PPARG: variants seen among roughly 807,000 people sequenced by gnomAD.
PPARG encodes the protein peroxisome proliferator activated receptor gamma.
PPARG carries 17 observed loss-of-function variants against 39.2 expected under a neutral mutation model. The observed-to-expected ratio is 0.43, with a 90% CI of 0.30 to 0.65. PPARG has a LOEUF of 0.65. PPARG is among the 30% of genes least tolerant of loss of function. The pLI is 0.13. For missense variants in PPARG, 406 were observed against 585.9 expected (o/e 0.69, Z 3.17); for synonymous variants, 223 against 215.7 (o/e 1.03, Z -0.30).
At chr3:12,399,341 C>T (rs2050382283) in intron 5 of PPARG, 2 of 456,274 alleles carry the variant, frequency 4.4e-6, no homozygotes, top group African/African-American at 4.0e-5. Context: ...TCCTTGTTTT[C>T]CTTTAGAGGA....
intron 4 of PPARG, among the ~76,000 whole-genome samples, chr3:12,383,931 A>T (rs2049776672): frequency 6.6e-6 from 1 of 152,108 alleles, no homozygotes; most frequent in African/African-American, 2.4e-5. Flanking sequence ...AAAAATACTT[A>T]ATAAAACCTG....
chr3:12,419,173 G>A (rs1030287057), intron 7 of PPARG, among the ~76,000 whole-genome samples: 2 of 152,104 alleles, frequency 1.3e-5, no homozygotes, highest in African/African-American at 4.8e-5. Context: ...TCGAACTCCT[G>A]ACCTCAGGTG....
At chr3:12,316,299 T>C (rs1056744106) in intron 2 of PPARG, among the ~76,000 whole-genome samples, 17 of 152,180 alleles carry the variant, frequency 1.1e-4, no homozygotes, top group Non-Finnish European at 2.1e-4. Context: ...CCGGTAACTC[T>C]TGTGTATGTT....
At chr3:12,304,570 G>A (rs2047011374) in intron 1 of PPARG, among the ~76,000 whole-genome samples, 1 of 152,186 alleles carries the variant, frequency 6.6e-6, no homozygotes, top group South Asian at 2.1e-4. Flanking sequence ...TTCACTTCAA[G>A]TCTAGTAGAA....
At chr3:12,423,331 C>A (rs1026493970) in intron 7 of PPARG, among the ~76,000 whole-genome samples, 1 of 152,188 alleles carries the variant, frequency 6.6e-6, no homozygotes, top group African/African-American at 2.4e-5. Context: ...GCAGCTGTCA[C>A]GGCAGAACAC....
At chr3:12,378,397 AAC>A in intron 2 of PPARG, among the ~76,000 whole-genome samples, 1 of 152,302 alleles carries the variant, frequency 6.6e-6, no homozygotes, top group Middle Eastern at 3.4e-3. Context: ...GATTTTTGAA[AAC>A]ACAGTATATA....
At chr3:12,289,603 T>C (rs1392283406) in intron 1 of PPARG, among the ~76,000 whole-genome samples, 1 of 152,220 alleles carries the variant, frequency 6.6e-6, no homozygotes, top group Non-Finnish European at 1.5e-5. Flanking sequence ...GGGCAAATCT[T>C]CGACAGGTTT....
At chr3:12,427,819 C>T (rs568442634) in intron 7 of PPARG, among the ~76,000 whole-genome samples, 6 of 152,330 alleles carry the variant, frequency 3.9e-5, no homozygotes, top group African/African-American at 1.2e-4. Context: ...GTAGCCCTGC[C>T]TCCCCTCCAG....
intron 4 of PPARG, among the ~76,000 whole-genome samples, chr3:12,389,495 G>T (rs952745881): frequency 6.6e-6 from 1 of 152,204 alleles, no homozygotes; most frequent in African/African-American, 2.4e-5. Context: ...GATCACCTTA[G>T]AAGTAAATTG....
chr3:12,357,143 C>T (rs962644102), intron 2 of PPARG, among the ~76,000 whole-genome samples: 1 of 152,230 alleles, frequency 6.6e-6, no homozygotes, highest in East Asian at 1.9e-4. Flanking sequence ...CAACCGGTCA[C>T]CCACAGAGAT....
intron 7 of PPARG, among the ~76,000 whole-genome samples, chr3:12,425,594 C>T (rs2051413194): frequency 6.6e-6 from 1 of 152,056 alleles, no homozygotes; most frequent in Non-Finnish European, 1.5e-5. Context: ...TGGAAGGGAT[C>T]GTTCTTCCTA....
At chr3:12,388,381 G>A (rs1488813986) in intron 4 of PPARG, among the ~76,000 whole-genome samples, 1 of 152,154 alleles carries the variant, frequency 6.6e-6, no homozygotes. Flanking sequence ...GCAGGTCAGG[G>A]TTTTCCCCAT....
intron 2 of PPARG, among the ~76,000 whole-genome samples, chr3:12,378,893 T>C (rs2049517119): frequency 6.6e-6 from 1 of 152,240 alleles, no homozygotes; most frequent in South Asian, 2.1e-4. Flanking sequence ...ATGAATATGT[T>C]CATTACCTTG....
intron 1 of PPARG, among the ~76,000 whole-genome samples, chr3:12,300,879 G>C (rs1377163286): frequency 6.6e-6 from 1 of 152,214 alleles, no homozygotes; most frequent in African/African-American, 2.4e-5. Flanking sequence ...CTAATTCCCA[G>C]CCAAACTGGG....
chr3:12,331,386 A>T (rs1184662901), intron 2 of PPARG, among the ~76,000 whole-genome samples: 1 of 152,128 alleles, frequency 6.6e-6, no homozygotes, highest in Non-Finnish European at 1.5e-5. Flanking sequence ...AGGAAATGAG[A>T]TGTGAAGGCT....
chr3:12,340,452 T>C (rs2048151219), intron 2 of PPARG, among the ~76,000 whole-genome samples: 12 of 152,210 alleles, frequency 7.9e-5, no homozygotes, highest in Admixed American at 7.9e-4. Context: ...GTGCTTACTT[T>C]AGAGTGGTAA....
intron 2 of PPARG, among the ~76,000 whole-genome samples, chr3:12,325,965 T>C (rs2125034433): frequency 6.6e-6 from 1 of 152,300 alleles, no homozygotes; most frequent in East Asian, 1.9e-4. Context: ...AATTATGTTT[T>C]ATATTGTAGA....
chr3:12,306,594 T>G (rs1163532439), intron 1 of PPARG, among the ~76,000 whole-genome samples: 1 of 152,186 alleles, frequency 6.6e-6, no homozygotes. Context: ...GCCACCACTA[T>G]TCCACATTTA....
chr3:12,402,419 T>G (rs1159094857), intron 5 of PPARG, among the ~76,000 whole-genome samples: 1 of 151,580 alleles, frequency 6.6e-6, no homozygotes, highest in Non-Finnish European at 1.5e-5. Context: ...TTTTTAAACC[T>G]GATACTTTGG....
Sources: gnomAD v4.1 joint callset for allele counts (sites outside exome capture counted in the v4.1 genomes callset) on GRCh38, gnomAD v4.1.1 for gene constraint, MANE v1.5 for transcripts, NCBI Gene and HGNC (gene_info 2026-07-23, HGNC 2026-07-21) for gene names.